ZNF609: variants seen among roughly 807,000 people sequenced by gnomAD.
The protein encoded by ZNF609 is zinc finger protein 609.
ZNF609 carries 11 observed loss-of-function variants against 109.5 expected under a neutral mutation model. That is an observed-to-expected ratio of 0.10 (90% CI 0.06 to 0.17). ZNF609 has a LOEUF of 0.17. ZNF609 is among the 10% of genes least tolerant of loss of function. The pLI is 1.00. For missense variants in ZNF609, 1,559 were observed against 1,772.4 expected (o/e 0.88, Z 2.16); for synonymous variants, 646 against 662.0 (o/e 0.98, Z 0.37).
intron 3 of ZNF609, among the ~76,000 whole-genome samples, chr15:64,655,797 C>G (rs1383335593): frequency 6.6e-6 from 1 of 152,148 alleles, no homozygotes; most frequent in Non-Finnish European, 1.5e-5. Context: ...CCGTTGCACT[C>G]CAGCCTGGGC....
intron 2 of ZNF609, among the ~76,000 whole-genome samples, chr15:64,561,383 A>G (rs1018039397): frequency 2.0e-5 from 3 of 152,180 alleles, no homozygotes; most frequent in Admixed American, 6.5e-5. Flanking sequence ...TTCTTGTTGT[A>G]TCAGTTTTAA....
chr15:64,668,606 G>C (rs1322306752), intron 3 of ZNF609, among the ~76,000 whole-genome samples: 1 of 151,994 alleles, frequency 6.6e-6, no homozygotes, highest in African/African-American at 2.4e-5. Flanking sequence ...AGGATAGCTT[G>C]AGCCCGAGTT....
intron 3 of ZNF609, among the ~76,000 whole-genome samples, chr15:64,654,654 A>G (rs1435216544): frequency 6.6e-6 from 1 of 152,158 alleles, no homozygotes; most frequent in Non-Finnish European, 1.5e-5. Flanking sequence ...ACAGATTGAG[A>G]TCATGTCTTC....
At chr15:64,638,015 T>TAA (rs1555424294) in intron 3 of ZNF609, among the ~76,000 whole-genome samples, 41 of 139,180 alleles carry the variant, frequency 2.9e-4, no homozygotes, top group East Asian at 7.9e-4. Context: ...TATATATATA[T>TAA]AAAATATATA....
At chr15:64,617,229 C>T (rs1244642983) in intron 2 of ZNF609, among the ~76,000 whole-genome samples, 4 of 151,536 alleles carry the variant, frequency 2.6e-5, no homozygotes. Context: ...ACTGTATTGC[C>T]CAGGCTAGTC....
chr15:64,634,614 A>G (rs1452067088), intron 3 of ZNF609, among the ~76,000 whole-genome samples: 1 of 152,342 alleles, frequency 6.6e-6, no homozygotes, highest in East Asian at 1.9e-4. Context: ...CTCATATGCT[A>G]TAATTAATGC....
chr15:64,509,546 T>C (rs975598233), intron 2 of ZNF609, among the ~76,000 whole-genome samples: 20 of 152,232 alleles, frequency 1.3e-4, no homozygotes, highest in African/African-American at 4.3e-4. Flanking sequence ...GAATTTATGA[T>C]AGCTAATATT....
intron 1 of ZNF609, among the ~76,000 whole-genome samples, chr15:64,496,790 T>C (rs1893488244): frequency 6.6e-6 from 1 of 152,120 alleles, no homozygotes; most frequent in South Asian, 2.1e-4. Flanking sequence ...TCCTAGATCA[T>C]TTTCAGAGTT....
At chr15:64,534,359 T>TG (rs1894107207) in intron 2 of ZNF609, among the ~76,000 whole-genome samples, 1 of 150,424 alleles carries the variant, frequency 6.6e-6, no homozygotes, top group Non-Finnish European at 1.5e-5. Flanking sequence ...TCGCCCAGGC[T>TG]GGAGTGCAGT....
At chr15:64,643,492 G>A (rs1896291054) in intron 3 of ZNF609, among the ~76,000 whole-genome samples, 2 of 152,130 alleles carry the variant, frequency 1.3e-5, no homozygotes, top group East Asian at 3.9e-4. Context: ...ATAAAAATAG[G>A]AACTACATAG....
intron 2 of ZNF609, among the ~76,000 whole-genome samples, chr15:64,610,096 G>A (rs1024380530): frequency 1.3e-5 from 2 of 152,088 alleles, no homozygotes; most frequent in Non-Finnish European, 2.9e-5. Flanking sequence ...TAGCACTTTG[G>A]GAGGCCAAGG....
At chr15:64,677,434 G>T (rs1367442821) in intron 5 of ZNF609, among the ~76,000 whole-genome samples, 2 of 152,152 alleles carry the variant, frequency 1.3e-5, no homozygotes, top group Non-Finnish European at 2.9e-5. Flanking sequence ...TTTGTCTGGG[G>T]TTACTTGAGA....
intron 2 of ZNF609, among the ~76,000 whole-genome samples, chr15:64,563,291 T>C (rs1226250539): frequency 6.6e-6 from 1 of 150,442 alleles, no homozygotes; most frequent in African/African-American, 2.5e-5. Context: ...CTCTACAAAA[T>C]ATACAGAAAT....
At chr15:64,531,949 C>A (rs1220844990) in intron 2 of ZNF609, among the ~76,000 whole-genome samples, 1 of 152,146 alleles carries the variant, frequency 6.6e-6, no homozygotes, top group Non-Finnish European at 1.5e-5. Context: ...CAGAACCCTC[C>A]ATTGGCTCTT....
intron 1 of ZNF609, among the ~76,000 whole-genome samples, chr15:64,465,040 C>T (rs1437939216): frequency 2.0e-5 from 3 of 152,066 alleles, no homozygotes; most frequent in Non-Finnish European, 4.4e-5. Flanking sequence ...GTAGCATGCC[C>T]TAGACATGGC....
In ZNF609 at chr15:64,590,867, T is replaced by A. The variant is rs565054489; in HGVS notation, c.748-31960T>A. ...CATTAAAAACAAACACAAAATGTTA[T>A]CCCTTGAAGATAAAGACAAATAGGT... On this transcript the variant is annotated intron_variant, in intron 2 of 9. Coordinates refer to ENST00000326648, the MANE Select transcript of ZNF609 (RefSeq NM_015042.2). 3.9e-5 allele frequency among the ~76,000 whole-genome samples: 6 copies of A among 152,154 alleles called. No homozygotes were observed. In the South Asian group the frequency reaches 1.0e-3, roughly 26 times the overall value.
At position 64,661,057 on chromosome 15, in the gene ZNF609, G is replaced by C. The variant is rs141272053; in HGVS notation, c.974-9289G>C. ...CACTGCTGCAACATCCACCTCCTGG[G>C]CTCAAGTGATTCTCCTGCCTCAGTC... On this transcript the variant is annotated intron_variant, in intron 3 of 9. Transcript: ENST00000326648. Among the ~76,000 whole-genome samples the C allele has an allele frequency of 5.9e-3, 901 of 152,196 alleles. 13 individuals are homozygous for C. Among genetic ancestry groups the C allele is most frequent in the African/African-American group, 0.021 (865 of 41,530 alleles).
At position 64,543,975 on chromosome 15, in the gene ZNF609, T is replaced by G. The variant is rs181334583; in HGVS notation, c.747+43809T>G. ...ACTTAGCACAACCCCTGGTAGTAGCTGTTCCATAAGTGCTCCTTGACTGAC... is the reference window on the plus strand; with the variant it reads ...ACTTAGCACAACCCCTGGTAGTAGCGGTTCCATAAGTGCTCCTTGACTGAC... On this transcript the variant is annotated intron_variant, in intron 2 of 9. Coordinates refer to ENST00000326648, the MANE Select transcript of ZNF609 (RefSeq NM_015042.2). 2.6e-4 allele frequency among the ~76,000 whole-genome samples: 40 copies of G among 152,274 alleles called. No homozygotes were observed. The East Asian group carries it at 7.5e-3, about 29-fold the overall frequency.
chr15:64,577,994 C>T (rs1239466825), intron 2 of ZNF609, among the ~76,000 whole-genome samples: 2 of 151,486 alleles, frequency 1.3e-5, no homozygotes, highest in African/African-American at 2.4e-5. Context: ...CCCCCCTTCC[C>T]TGCAAGAAAA....
Sources: gnomAD v4.1 joint callset for allele counts (sites outside exome capture counted in the v4.1 genomes callset) on GRCh38, gnomAD v4.1.1 for gene constraint, MANE v1.5 for transcripts, NCBI Gene and HGNC (gene_info 2026-07-23, HGNC 2026-07-21) for gene names.